Variants in ARHGAP15 observed in about 807,000 individuals in gnomAD.
ARHGAP15 encodes the protein rho GTPase-activating protein 15.
Under a neutral mutation model 63.7 loss-of-function variants are expected in ARHGAP15, and 51 were observed. That is an observed-to-expected ratio of 0.80 (90% confidence interval 0.64 to 1.01). The LOEUF is 1.01. Among genes scored for constraint, ARHGAP15 ranks in the 50% least tolerant of loss-of-function variants. The pLI is 0.00. For missense variants in ARHGAP15, 560 were observed against 564.6 expected (o/e 0.99, Z 0.08); for synonymous variants, 191 against 193.8 (o/e 0.99, Z 0.12).
At chr2:143,470,658 T>TATAC (rs1553485740) in intron 8 of ARHGAP15, among the ~76,000 whole-genome samples, 3 of 148,554 alleles carry the variant, frequency 2.0e-5, no homozygotes, top group East Asian at 4.0e-4. Flanking sequence ...TGTATATATA[T>TATAC]ACATGTATAT....
chr2:143,463,948 T>TC lies in ARHGAP15; in HGVS notation c.704-23421dup, dbSNP rs1231568246. Among the ~76,000 whole-genome samples, 6 of 152,214 alleles carry TC rather than the reference T, an allele frequency of 3.9e-5. No individual in the cohort carries two copies. The South Asian group carries it at 1.0e-3, about 26-fold the overall frequency. On this transcript the variant is annotated intron_variant, in intron 8 of 13. Transcript: ENST00000295095. ...CTGGAACTAAAACTGACTCATTTCC[T>TC]CCCCAGTTCATTCTGTGATGGGCAT...
At chr2:143,302,213 A>C (rs970160335) in intron 6 of ARHGAP15, among the ~76,000 whole-genome samples, 3 of 151,938 alleles carry the variant, frequency 2.0e-5, no homozygotes, top group Admixed American at 2.0e-4. Flanking sequence ...TTCCATATCC[A>C]TCAATTTCTT....
chr2:143,700,066 G>A (rs2105414463), intron 12 of ARHGAP15, among the ~76,000 whole-genome samples: 1 of 152,058 alleles, frequency 6.6e-6, no homozygotes, highest in Non-Finnish European at 1.5e-5. Flanking sequence ...CATAAAAATT[G>A]CCTAGCTTTA....
intron 8 of ARHGAP15, among the ~76,000 whole-genome samples, chr2:143,458,200 T>C (rs1050542410): frequency 9.2e-5 from 14 of 152,210 alleles, no homozygotes; most frequent in Admixed American, 8.5e-4. Flanking sequence ...TAGTGAATGA[T>C]GTTAATCTTC....
intron 6 of ARHGAP15, among the ~76,000 whole-genome samples, chr2:143,425,079 GCT>G (rs1689085694): frequency 6.6e-6 from 1 of 152,082 alleles, no homozygotes; most frequent in African/African-American, 2.4e-5. Context: ...TACTGATAGT[GCT>G]ACCAATACAT....
At chr2:143,681,601 C>A (rs373839325) in intron 12 of ARHGAP15, among the ~76,000 whole-genome samples, 4 of 152,252 alleles carry the variant, frequency 2.6e-5, no homozygotes, top group Admixed American at 2.0e-4. Flanking sequence ...GTAAGCATAG[C>A]GACCATTCAT....
chr2:143,234,215 T>C (rs1339403567), intron 5 of ARHGAP15, among the ~76,000 whole-genome samples: 1 of 152,244 alleles, frequency 6.6e-6, no homozygotes, highest in Non-Finnish European at 1.5e-5. Flanking sequence ...TTGTTAGAGT[T>C]AATTTTTTCC....
intron 8 of ARHGAP15, among the ~76,000 whole-genome samples, chr2:143,443,965 C>T (rs1362811562): frequency 6.6e-6 from 1 of 152,142 alleles, no homozygotes; most frequent in Non-Finnish European, 1.5e-5. Flanking sequence ...CAAAGAATGT[C>T]CTGATTAATC....
chr2:143,183,726 T>TTC (rs1553445629), intron 2 of ARHGAP15, among the ~76,000 whole-genome samples: 15 of 151,240 alleles, frequency 9.9e-5, no homozygotes, highest in Admixed American at 7.9e-4. Context: ...TCTTTTCTTT[T>TTC]TTTTTTTTTT....
At chr2:143,464,299 A>G (rs1273631278) in intron 8 of ARHGAP15, among the ~76,000 whole-genome samples, 1 of 152,170 alleles carries the variant, frequency 6.6e-6, no homozygotes, top group Non-Finnish European at 1.5e-5. Context: ...ATTCCATTTT[A>G]TTTATTTTAA....
At chr2:143,423,048 G>A (rs986716719) in intron 6 of ARHGAP15, among the ~76,000 whole-genome samples, 2 of 152,114 alleles carry the variant, frequency 1.3e-5, no homozygotes, top group Non-Finnish European at 2.9e-5. Flanking sequence ...AAGCAGAGAA[G>A]CATCTGTTGA....
intron 12 of ARHGAP15, among the ~76,000 whole-genome samples, chr2:143,685,987 T>A (rs1181140332): frequency 6.6e-6 from 1 of 152,182 alleles, no homozygotes; most frequent in Non-Finnish European, 1.5e-5. Flanking sequence ...ATAACATTTG[T>A]GTCCAGTATT....
At chr2:143,545,380 G>T (rs188103658) in intron 10 of ARHGAP15, among the ~76,000 whole-genome samples, 2 of 152,316 alleles carry the variant, frequency 1.3e-5, no homozygotes, top group Non-Finnish European at 2.9e-5. Context: ...GCAGAGATCT[G>T]CCAAAATCTT....
At chr2:143,753,782 A>G (rs1014722740) in intron 13 of ARHGAP15, among the ~76,000 whole-genome samples, 8 of 152,148 alleles carry the variant, frequency 5.3e-5, no homozygotes, top group East Asian at 3.9e-4. Flanking sequence ...GATAAAAATT[A>G]CTCTCTATTC....
chr2:143,635,341 C>T lies in ARHGAP15; in HGVS notation c.1138+11074C>T, dbSNP rs182699423. Among the ~76,000 whole-genome samples the T allele has an allele frequency of 3.1e-3, 472 of 151,630 alleles. 3 individuals carry two copies. Among genetic ancestry groups the T allele is most frequent in the African/African-American group, 0.011 (443 of 41,340 alleles). On this transcript the variant is annotated intron_variant, in intron 12 of 13. Transcript: ENST00000295095. The stretch of plus-strand genomic sequence containing the variant: ...GTGCTGAGACTACAATCCCAAGTCA[C>T]CATGCCCAGCCTCGTGCTATTTTCA...
chr2:143,475,604 G>C (rs1397448960), intron 8 of ARHGAP15, among the ~76,000 whole-genome samples: 1 of 152,216 alleles, frequency 6.6e-6, no homozygotes, highest in African/African-American at 2.4e-5. Context: ...CCCTACAGAG[G>C]GTGCCAAGAG....
chr2:143,566,581 T>A (rs552290472), intron 11 of ARHGAP15, among the ~76,000 whole-genome samples: 1 of 152,264 alleles, frequency 6.6e-6, no homozygotes, highest in Non-Finnish European at 1.5e-5. Context: ...CTCCTCTCTC[T>A]CTGACCTCAC....
In ARHGAP15 at chr2:143,435,660, G is replaced by C. The variant is rs368334646; in HGVS notation, c.534G>C (p.Leu178Phe). 3 of 1,595,824 alleles carry C rather than the reference G, an allele frequency of 1.9e-6. No individual in the cohort carries two copies. The highest frequency in any genetic ancestry group is 1.7e-6 in the Non-Finnish European group (2 of 1,173,686). The change falls in exon 7 of 14, where the codon TTG becomes TTC. Residue 178 changes from leucine (L) to phenylalanine (F), a missense_variant. Physicochemically the swap from Leu to Phe is conservative, Grantham distance 22. Transcript: ENST00000295095. Reference protein sequence around the residue: ...LLQSDIDFIILDWFHAIKNAI... With the variant: ...LLQSDIDFIIFDWFHAIKNAI... ...AGTCAGATATTGACTTCATCATATT[G>C]GATTGGTTCCACGCTATCAAAAATG...
chr2:143,165,947 A>G (rs1690486536), intron 2 of ARHGAP15, among the ~76,000 whole-genome samples: 1 of 127,910 alleles, frequency 7.8e-6, no homozygotes, highest in Non-Finnish European at 1.7e-5. Context: ...AGAAAAGAAG[A>G]AAGAAAGAAA....
Sources: gnomAD v4.1 joint callset for allele counts (sites outside exome capture counted in the v4.1 genomes callset) on GRCh38, gnomAD v4.1.1 for gene constraint, MANE v1.5 for transcripts, NCBI Gene and HGNC (gene_info 2026-07-23, HGNC 2026-07-21) for gene names.